The following PLD5 variants were observed in gnomAD, a reference collection of about 807,000 sequenced individuals.
PLD5 encodes the protein phospholipase D family member 5.
A neutral mutation model predicts 61.1 loss-of-function variants in PLD5; 36 were observed. That is an observed-to-expected ratio of 0.59 (90% CI 0.45 to 0.78). The LOEUF (loss-of-function observed/expected upper bound fraction) is 0.78. PLD5 is among the 30% of genes least tolerant of loss of function. The pLI is 0.00. For synonymous variants in PLD5, 243 were observed against 242.8 expected (o/e 1.00, Z -0.01); for missense variants, 515 against 644.4 (o/e 0.80, Z 2.17).
Position 242,480,050 on chromosome 1 carries a change from A to AG in PLD5, c.189+44037dup, listed in dbSNP as rs201640399. ...TGGTAACAGAGCAAGACTCTGTCTC[A>AG]GAAAAAAAAAAAACAAAAAAAAAGG... On this transcript the variant is annotated intron_variant, in intron 1 of 9. Transcript: ENST00000536534. 3.0e-3 allele frequency among the ~76,000 whole-genome samples: 406 copies of AG among 134,928 alleles called. 1 individual carries two copies. The highest frequency in any genetic ancestry group is 8.8e-3 in the African/African-American group (343 of 38,992). The allele number at this position is 134,928 out of a possible 152,430, so 88.5% of individuals were successfully genotyped here. A position where few individuals can be genotyped will look rare whatever the true frequency, so the allele number is the denominator to read the frequency against.
At chr1:242,115,668 AAT>A (rs1491211638) in intron 6 of PLD5, among the ~76,000 whole-genome samples, 1 of 151,888 alleles carries the variant, frequency 6.6e-6, no homozygotes, top group East Asian at 1.9e-4. Context: ...AAAAAAAAAA[AAT>A]CTTGGAGTTT....
At chr1:242,144,252 TA>T (rs1267747685) in intron 5 of PLD5, among the ~76,000 whole-genome samples, 4 of 88,468 alleles carry the variant, frequency 4.5e-5, no homozygotes, top group African/African-American at 1.2e-4. Flanking sequence ...CCTCAAATTT[TA>T]TTTTTTTTTT....
At chr1:242,523,671 G>A (rs1170310838) in intron 1 of PLD5, among the ~76,000 whole-genome samples, 1 of 152,188 alleles carries the variant, frequency 6.6e-6, no homozygotes, top group Non-Finnish European at 1.5e-5. Context: ...TAATTTGCTA[G>A]TTTTTGGACT....
intron 9 of PLD5, among the ~76,000 whole-genome samples, chr1:242,094,202 C>A (rs1216354040): frequency 6.6e-6 from 1 of 151,980 alleles, no homozygotes; most frequent in East Asian, 1.9e-4. Context: ...TGTAGTGTCA[C>A]CCAGAGGGAC....
chr1:242,460,799 T>G (rs562511356), intron 1 of PLD5, among the ~76,000 whole-genome samples: 2 of 151,684 alleles, frequency 1.3e-5, no homozygotes, highest in South Asian at 4.2e-4. Context: ...AAAAATCTAG[T>G]CTTATGTCCA....
At chr1:242,343,072 G>T (rs898327881) in intron 2 of PLD5, among the ~76,000 whole-genome samples, 2 of 152,042 alleles carry the variant, frequency 1.3e-5, no homozygotes, top group Non-Finnish European at 1.5e-5. Flanking sequence ...GGATAGAGAG[G>T]CTAGTTAGCA....
intron 1 of PLD5, among the ~76,000 whole-genome samples, chr1:242,373,046 G>T (rs564696594): frequency 3.3e-4 from 50 of 152,148 alleles, no homozygotes; most frequent in African/African-American, 8.7e-4. Context: ...TCTACTCATC[G>T]GACAAAGGGC....
intron 1 of PLD5, among the ~76,000 whole-genome samples, chr1:242,469,711 G>A (rs1667381183): frequency 6.6e-6 from 1 of 152,124 alleles, no homozygotes; most frequent in East Asian, 1.9e-4. Context: ...GGGTCTTGCT[G>A]TGTTGCCCAG....
intron 1 of PLD5, among the ~76,000 whole-genome samples, chr1:242,368,614 C>T (rs769364252): frequency 2.0e-5 from 3 of 152,154 alleles, no homozygotes; most frequent in Non-Finnish European, 4.4e-5. Flanking sequence ...GAATCTCTGA[C>T]AGTCTCCACC....
At chr1:242,231,310 C>T (rs952199599) in intron 4 of PLD5, among the ~76,000 whole-genome samples, 4 of 152,128 alleles carry the variant, frequency 2.6e-5, no homozygotes, top group East Asian at 1.9e-4. Context: ...TGAGTACTTC[C>T]GAGGCATCCG....
At chr1:242,104,253 C>T (rs1660883959) in intron 8 of PLD5, among the ~76,000 whole-genome samples, 1 of 150,758 alleles carries the variant, frequency 6.6e-6, no homozygotes. Flanking sequence ...AGTCCTGAGT[C>T]CCTAGGACTA....
At chr1:242,100,591 G>A in intron 9 of PLD5, 77 bp downstream of exon 9, 3 of 1,057,418 alleles carry the variant, frequency 2.8e-6, no homozygotes, top group South Asian at 1.3e-5. Flanking sequence ...CCTCACCAGG[G>A]GATACCGTGG....
At chr1:242,353,986 T>C (rs1444071024) in intron 1 of PLD5, among the ~76,000 whole-genome samples, 3 of 151,706 alleles carry the variant, frequency 2.0e-5, no homozygotes, top group Non-Finnish European at 2.9e-5. Flanking sequence ...AATTTGTTGA[T>C]AAACTCTAAC....
At chr1:242,304,136 C>A (rs1367925349) in intron 2 of PLD5, among the ~76,000 whole-genome samples, 3 of 152,194 alleles carry the variant, frequency 2.0e-5, no homozygotes, top group Non-Finnish European at 2.9e-5. Context: ...AAAGGAATAG[C>A]ATAACTTCTT....
chr1:242,269,798 G>A (rs146889648), intron 3 of PLD5, among the ~76,000 whole-genome samples: 36 of 152,044 alleles, frequency 2.4e-4, no homozygotes, highest in African/African-American at 8.4e-4. Flanking sequence ...TCCAGGAGTC[G>A]CTCTCTTCCT....
In PLD5 at chr1:242,342,751, C is replaced by CA. The variant is rs34614263; in HGVS notation, c.326+5354dup. 5.8e-3 allele frequency among the ~76,000 whole-genome samples: 870 copies of CA among 149,250 alleles called. 10 individuals are homozygous for CA. The highest frequency in any genetic ancestry group is 0.019 in the African/African-American group (790 of 40,554). ...TGCCCAGAAATCCAATACAAAGAGA[C>CA]AAAAAAAAAAAGGTCATTTACTGGC... On this transcript the variant is annotated intron_variant, in intron 2 of 9. Transcript: ENST00000536534.
intron 4 of PLD5, among the ~76,000 whole-genome samples, chr1:242,241,934 TTA>T (rs1227355261): frequency 1.2e-4 from 15 of 122,628 alleles, no homozygotes; most frequent in African/African-American, 3.0e-4. Flanking sequence ...ATATATACGC[TTA>T]TATATATATA....
chr1:242,318,051 G>A (rs1372216366), intron 2 of PLD5, among the ~76,000 whole-genome samples: 1 of 152,170 alleles, frequency 6.6e-6, no homozygotes, highest in African/African-American at 2.4e-5. Context: ...AGCTTGAAAG[G>A]GGAGAAGAGG....
At chr1:242,271,394 G>A (rs1340392949) in intron 3 of PLD5, among the ~76,000 whole-genome samples, 1 of 151,918 alleles carries the variant, frequency 6.6e-6, no homozygotes, top group African/African-American at 2.4e-5. Context: ...AATCTACAAG[G>A]TGAAAAGGTA....
Sources: allele counts gnomAD v4.1 joint callset (sites outside exome capture counted in the v4.1 genomes callset), GRCh38; gene constraint gnomAD v4.1.1; transcripts MANE v1.5; gene names NCBI Gene and HGNC (gene_info 2026-07-23, HGNC 2026-07-21).